Variants in PHYHIPL observed in about 807,000 individuals in gnomAD.
PHYHIPL encodes the protein phytanoyl-CoA hydroxylase-interacting protein-like.
In PHYHIPL, 9 loss-of-function variants were observed where a neutral mutation model predicts 33.4. The observed-to-expected ratio is 0.27, with a 90% CI of 0.16 to 0.47. The LOEUF (loss-of-function observed/expected upper bound fraction) is 0.47. PHYHIPL is among the 20% of genes least tolerant of loss of function. PHYHIPL has a pLI of 0.99. For missense variants in PHYHIPL, 365 were observed against 460.7 expected (o/e 0.79, Z 1.90); for synonymous variants, 153 against 154.1 (o/e 0.99, Z 0.05).
intron 1 of PHYHIPL, among the ~76,000 whole-genome samples, chr10:59,196,611 G>C (rs1838927339): frequency 6.6e-6 from 1 of 151,636 alleles, no homozygotes; most frequent in Admixed American, 6.6e-5. Context: ...GTAGAGATGG[G>C]GTTTCACCGT....
intron 4 of PHYHIPL, among the ~76,000 whole-genome samples, chr10:59,244,250 T>C (rs1840539341): frequency 2.6e-5 from 4 of 152,184 alleles, no homozygotes; most frequent in African/African-American, 9.6e-5. Flanking sequence ...AGAAATAACC[T>C]GATTACTGTC....
At chr10:59,189,875 A>T (rs1249420240) in intron 1 of PHYHIPL, among the ~76,000 whole-genome samples, 1 of 151,932 alleles carries the variant, frequency 6.6e-6, no homozygotes, top group Admixed American at 6.6e-5. Context: ...GCTTAAAATC[A>T]TGTATTCTGG....
At position 59,240,049 on chromosome 10, in the gene PHYHIPL, T is replaced by C. The variant is rs888148071; in HGVS notation, c.596+1344T>C. Among the ~76,000 whole-genome samples, 2 of 152,090 alleles carry C rather than the reference T, an allele frequency of 1.3e-5. 1 individual carries two copies. Among genetic ancestry groups the C allele is most frequent in the African/African-American group, 4.8e-5 (2 of 41,436 alleles). Reference sequence around the variant, plus strand: ...AGGCATCTGTGTTCTTCAAATTAAGTACTTAGCAATAGAATGTATTTTTAT... The same window carrying C: ...AGGCATCTGTGTTCTTCAAATTAAGCACTTAGCAATAGAATGTATTTTTAT... On this transcript the variant is annotated intron_variant, in intron 4 of 4. Transcript: ENST00000373880.
intron 1 of PHYHIPL, among the ~76,000 whole-genome samples, chr10:59,222,614 AT>A (rs1444073621): frequency 1.3e-5 from 2 of 152,104 alleles, no homozygotes; most frequent in African/African-American, 2.4e-5. Context: ...TTATACTAAA[AT>A]ATCATCACAT....
At chr10:59,241,292 T>C (rs1408871704) in intron 4 of PHYHIPL, among the ~76,000 whole-genome samples, 1 of 152,096 alleles carries the variant, frequency 6.6e-6, no homozygotes, top group South Asian at 2.1e-4. Flanking sequence ...GGATACACTT[T>C]CCAAAGTTTA....
At position 59,246,385 on chromosome 10, in the gene PHYHIPL, C is replaced by T; in HGVS notation, c.*794C>T. On this transcript the variant is annotated 3_prime_UTR_variant, in exon 5 of 5. Coordinates refer to ENST00000373880, the MANE Select transcript of PHYHIPL (RefSeq NM_032439.4). ...AAATATTAGGTAAATACAGAGAAAA[C>T]AATAAGCCTCTGAAATAAGTCTGTT... The T allele has an allele frequency of 3.3e-6, 1 of 304,640 alleles. No homozygotes were observed. Among genetic ancestry groups the T allele is most frequent in the Non-Finnish European group, 6.0e-6 (1 of 167,412 alleles). 18.9% of individuals were successfully genotyped at this position (304,640 alleles called of 1,614,324 possible).
At chr10:59,225,264 GT>G (rs1445790873) in intron 1 of PHYHIPL, among the ~76,000 whole-genome samples, 1 of 149,810 alleles carries the variant, frequency 6.7e-6, no homozygotes, top group East Asian at 2.0e-4. Flanking sequence ...CATTGTAAAA[GT>G]TTGTATTCCT....
At chr10:59,213,535 G>C (rs1370207504) in intron 1 of PHYHIPL, among the ~76,000 whole-genome samples, 7 of 152,100 alleles carry the variant, frequency 4.6e-5, no homozygotes, top group Admixed American at 2.6e-4. Flanking sequence ...ATAATAAGGT[G>C]ATCTCAACTC....
upstream of PHYHIPL, chr10:59,176,629 C>T (rs953085247): frequency 2.6e-5 from 11 of 421,782 alleles, no homozygotes; most frequent in Admixed American, 3.2e-4. Flanking sequence ...GCGCCGGGTC[C>T]TGCTCGGTCT....
intron 1 of PHYHIPL, among the ~76,000 whole-genome samples, chr10:59,213,167 T>TA (rs201028769): frequency 0.01 from 1,498 of 149,202 alleles, 25 homozygotes; most frequent in African/African-American, 0.032. Context: ...AGGGCTTTCT[T>TA]AAAAAAAAAA....
intron 1 of PHYHIPL, among the ~76,000 whole-genome samples, chr10:59,185,181 G>T (rs1422669499): frequency 6.6e-6 from 1 of 151,598 alleles, no homozygotes; most frequent in Admixed American, 6.6e-5. Flanking sequence ...TAGTAGAGAC[G>T]GGGTTTCACC....
chr10:59,183,872 T>G (rs1305607721), intron 1 of PHYHIPL, among the ~76,000 whole-genome samples: 1 of 152,214 alleles, frequency 6.6e-6, no homozygotes, highest in Admixed American at 6.5e-5. Context: ...GTGGGAATGT[T>G]GCTCTCTAAT....
At chr10:59,173,921 G>GTTTTTTTTTTT (rs368316005), upstream of PHYHIPL, among the ~76,000 whole-genome samples, 37 of 57,552 alleles carry the variant, frequency 6.4e-4, 8 homozygotes, top group African/African-American at 1.2e-3. Flanking sequence ...TACTTCTGAG[G>GTTTTTTTTTTT]TTTTTTTTTT....
intron 1 of PHYHIPL, among the ~76,000 whole-genome samples, chr10:59,219,503 T>C (rs2133255324): frequency 6.6e-6 from 1 of 152,300 alleles, no homozygotes; most frequent in Admixed American, 6.5e-5. Context: ...TAATAGCTTT[T>C]GTAAGTCACA....
chr10:59,180,826 A>G (rs1287647666), intron 1 of PHYHIPL, among the ~76,000 whole-genome samples: 1 of 152,300 alleles, frequency 6.6e-6, no homozygotes, highest in Non-Finnish European at 1.5e-5. Context: ...CTTTGGAAAT[A>G]AAAAGTAACA....
At chr10:59,213,817 A>G (rs1017399999) in intron 1 of PHYHIPL, among the ~76,000 whole-genome samples, 2 of 152,128 alleles carry the variant, frequency 1.3e-5, no homozygotes, top group Non-Finnish European at 2.9e-5. Context: ...TGACTCAATC[A>G]GTGTTAAAGT....
intron 1 of PHYHIPL, among the ~76,000 whole-genome samples, chr10:59,189,559 T>G (rs543232702): frequency 1.2e-4 from 19 of 152,056 alleles, no homozygotes; most frequent in African/African-American, 3.9e-4. Flanking sequence ...ATTATTTATT[T>G]TTACATGCAT....
At chr10:59,242,540 ATCT>A (rs1840438873) in intron 4 of PHYHIPL, among the ~76,000 whole-genome samples, 1 of 152,222 alleles carries the variant, frequency 6.6e-6, no homozygotes, top group Admixed American at 6.5e-5. Flanking sequence ...AACCAGGAAA[ATCT>A]TAACCTGAAT....
At chr10:59,222,861 TA>T (rs1425573118) in intron 1 of PHYHIPL, among the ~76,000 whole-genome samples, 1 of 152,180 alleles carries the variant, frequency 6.6e-6, no homozygotes, top group Non-Finnish European at 1.5e-5. Flanking sequence ...TGTTAAATCA[TA>T]TAACATTTAT....
Sources: gnomAD v4.1 joint callset for allele counts (sites outside exome capture counted in the v4.1 genomes callset) on GRCh38, gnomAD v4.1.1 for gene constraint, MANE v1.5 for transcripts, NCBI Gene and HGNC (gene_info 2026-07-23, HGNC 2026-07-21) for gene names.